SLC44A5: variants seen among roughly 807,000 people sequenced by gnomAD.
SLC44A5 encodes solute carrier family 44 member 5.
SLC44A5 carries 57 observed loss-of-function variants against 101.8 expected under a neutral mutation model. The observed-to-expected ratio is 0.56, with a 90% confidence interval of 0.45 to 0.70. The LOEUF is 0.70. Among genes scored for constraint, SLC44A5 ranks in the 30% least tolerant of loss-of-function variants. The pLI, the probability that SLC44A5 is intolerant of heterozygous loss-of-function variation, is 0.00. For synonymous variants in SLC44A5, 281 were observed against 290.9 expected (o/e 0.97, Z 0.35); for missense variants, 737 against 853.1 (o/e 0.86, Z 1.70).
At chr1:75,693,453 C>T in the SLC44A5 span, among the ~76,000 whole-genome samples, 12 of 152,156 alleles carry the variant, frequency 7.9e-5, no homozygotes, top group Admixed American at 7.2e-4. Context: ...GTTTGTTCAC[C>T]TGGCCTTACT....
chr1:75,325,458 A>G (rs1165182875), intron 4 of SLC44A5, among the ~76,000 whole-genome samples: 1 of 152,186 alleles, frequency 6.6e-6, no homozygotes, highest in African/African-American at 2.4e-5. Context: ...TATATACAGT[A>G]TACAGTAGTC....
At chr1:75,674,031 G>C in the SLC44A5 span, among the ~76,000 whole-genome samples, 4 of 151,988 alleles carry the variant, frequency 2.6e-5, no homozygotes, top group Non-Finnish European at 5.9e-5. Context: ...AAAGCATCAA[G>C]ACCAGCAAAA....
chr1:75,241,994 C>T lies in SLC44A5; in HGVS notation c.532+7G>A, dbSNP rs1278171935. The T allele has an allele frequency of 6.2e-7, 1 of 1,609,588 alleles. No individual in the cohort carries two copies. The highest frequency in any genetic ancestry group is 8.5e-7 in the Non-Finnish European group (1 of 1,176,672). ...TATGTTTCTAAGGTAAAATAGTTGC[C>T]ACTTACAAGGTTTGCTGGGAAAAAT... On this transcript the variant is annotated splice_region_variant and intron_variant, in intron 9 of 23. Coordinates refer to ENST00000370859, the MANE Select transcript of SLC44A5 (RefSeq NM_001130058.2).
At chr1:75,351,868 A>AAAAAAAAAAAGAGAG (rs1553165361) in intron 3 of SLC44A5, among the ~76,000 whole-genome samples, 2 of 58,534 alleles carry the variant, frequency 3.4e-5, no homozygotes, top group African/African-American at 5.9e-5. Context: ...AAAAAAAAAA[A>AAAAAAAAAAAGAGAG]AGAGAGAGAG....
chr1:75,649,114 G>C, the SLC44A5 span, among the ~76,000 whole-genome samples: 2 of 152,296 alleles, frequency 1.3e-5, no homozygotes, highest in Admixed American at 6.5e-5. Context: ...TCTTTACAAT[G>C]ATGACCCAGA....
At chr1:75,680,873 A>G in the SLC44A5 span, among the ~76,000 whole-genome samples, 4 of 151,798 alleles carry the variant, frequency 2.6e-5, no homozygotes, top group South Asian at 8.3e-4. Flanking sequence ...AGCAAGACTA[A>G]TAAAGAAAAA....
At chr1:75,297,444 C>A (rs1371902075) in intron 5 of SLC44A5, among the ~76,000 whole-genome samples, 1 of 152,016 alleles carries the variant, frequency 6.6e-6, no homozygotes, top group African/African-American at 2.4e-5. Flanking sequence ...ACCATGACAC[C>A]TGGCTAATTT....
intron 2 of SLC44A5, among the ~76,000 whole-genome samples, chr1:75,506,907 C>CTTTTTT (rs61554987): frequency 0.027 from 1,828 of 68,840 alleles, 18 homozygotes; most frequent in Non-Finnish European, 0.03. Flanking sequence ...TATTCCTATT[C>CTTTTTT]TTTTTTTTTT....
intron 2 of SLC44A5, among the ~76,000 whole-genome samples, chr1:75,452,487 A>G (rs1665960827): frequency 6.6e-6 from 1 of 152,182 alleles, no homozygotes; most frequent in South Asian, 2.1e-4. Flanking sequence ...AAGCCCCCAC[A>G]CAATAGAAAG....
chr1:75,404,164 G>A (rs1477144248), intron 2 of SLC44A5, among the ~76,000 whole-genome samples: 1 of 151,946 alleles, frequency 6.6e-6, no homozygotes, highest in Non-Finnish European at 1.5e-5. Flanking sequence ...AGAATGAAGA[G>A]GAATGAACAA....
At chr1:75,619,594 C>T in the SLC44A5 span, among the ~76,000 whole-genome samples, 8 of 152,062 alleles carry the variant, frequency 5.3e-5, no homozygotes, top group Non-Finnish European at 8.8e-5. Flanking sequence ...GTAGGCCTAA[C>T]AGAACACATC....
chr1:75,702,939 A>G, the SLC44A5 span, among the ~76,000 whole-genome samples: 98,097 of 151,442 alleles, frequency 0.65, 31,915 homozygotes, highest in East Asian at 0.72. Flanking sequence ...TCAGAGAAAT[A>G]CAAATCAAAA....
At chr1:75,641,586 C>T in the SLC44A5 span, 11 of 1,514,218 alleles carry the variant, frequency 7.3e-6, no homozygotes, top group Admixed American at 3.3e-5. Context: ...TCTTCCCCTT[C>T]AATCAGATTA....
the SLC44A5 span, among the ~76,000 whole-genome samples, chr1:75,722,762 G>A: frequency 2.0e-5 from 3 of 152,198 alleles, no homozygotes; most frequent in South Asian, 4.1e-4. Context: ...TTCTACGTTC[G>A]TCCCTTCATT....
chr1:75,362,525 T>G (rs1034396692), intron 3 of SLC44A5, among the ~76,000 whole-genome samples: 17 of 152,058 alleles, frequency 1.1e-4, no homozygotes, highest in African/African-American at 4.1e-4. Flanking sequence ...GACTTCCTTT[T>G]TTATTTCTTC....
chr1:75,662,709 A>T, the SLC44A5 span, among the ~76,000 whole-genome samples: 1 of 152,080 alleles, frequency 6.6e-6, no homozygotes, highest in Non-Finnish European at 1.5e-5. Flanking sequence ...TGCCTTTCAC[A>T]ATTAGAACAA....
chr1:75,340,750 A>G (rs1378094865), intron 3 of SLC44A5, among the ~76,000 whole-genome samples: 1 of 152,208 alleles, frequency 6.6e-6, no homozygotes, highest in Non-Finnish European at 1.5e-5. Flanking sequence ...TCAGATTCTC[A>G]ATCCCAGGAA....
At chr1:75,565,368 G>C (rs1021584342) in intron 1 of SLC44A5, among the ~76,000 whole-genome samples, 1 of 152,096 alleles carries the variant, frequency 6.6e-6, no homozygotes, top group African/African-American at 2.4e-5. Context: ...TCAAGCTCTT[G>C]GTAAAACGAA....
intron 5 of SLC44A5, among the ~76,000 whole-genome samples, chr1:75,282,836 T>G (rs1057268310): frequency 6.6e-5 from 10 of 152,178 alleles, no homozygotes; most frequent in Non-Finnish European, 1.5e-4. Context: ...TCCCCAGCCA[T>G]GCTGAACTGT....
Sources: allele counts gnomAD v4.1 joint callset (sites outside exome capture counted in the v4.1 genomes callset), GRCh38; gene constraint gnomAD v4.1.1; transcripts MANE v1.5; gene names NCBI Gene and HGNC (gene_info 2026-07-23, HGNC 2026-07-21).